The following COL4A2 variants were observed in gnomAD, a reference collection of about 807,000 sequenced individuals.
COL4A2 encodes collagen type IV alpha 2 chain, also known as collagen alpha-2(IV) chain.
In COL4A2, 99 loss-of-function variants were observed where a neutral mutation model predicts 200.2. The ratio of observed to expected loss-of-function variants is 0.49; its 90% CI spans 0.42 to 0.58. COL4A2 has a LOEUF of 0.58. Among genes scored for constraint, COL4A2 ranks in the 20% least tolerant of loss-of-function variants. COL4A2 has a pLI of 0.00. For missense variants in COL4A2, 1,950 were observed against 2,314.1 expected (o/e 0.84, Z 3.23); for synonymous variants, 897 against 900.6 (o/e 1.00, Z 0.07).
chr13:110,357,311 C>T (rs922050060), intron 3 of COL4A2, among the ~76,000 whole-genome samples, 161 bp from the exon 4 acceptor site: 10 of 152,130 alleles, frequency 6.6e-5, no homozygotes, highest in African/African-American at 2.4e-4. Flanking sequence ...GCACCAAAAA[C>T]TGCTCTAAAA....
At chr13:110,419,716 G>A (rs946885318) in intron 4 of COL4A2, among the ~76,000 whole-genome samples, 2 of 152,188 alleles carry the variant, frequency 1.3e-5, no homozygotes, top group Admixed American at 1.3e-4. Context: ...GATGGCCCAT[G>A]TGCGCACCAG....
chr13:110,483,969 C>T (rs939983808), intron 32 of COL4A2, among the ~76,000 whole-genome samples: 2 of 152,096 alleles, frequency 1.3e-5, no homozygotes, highest in African/African-American at 2.4e-5. Context: ...TTCAGACTTA[C>T]AGCTTTTACA....
At chr13:110,365,108 G>A (rs1423929223) in intron 4 of COL4A2, among the ~76,000 whole-genome samples, 1 of 151,952 alleles carries the variant, frequency 6.6e-6, no homozygotes, top group Non-Finnish European at 1.5e-5. Flanking sequence ...CCTGTGTTAG[G>A]GGCCAAGTTT....
chr13:110,473,253 C>T (rs1351370411), intron 29 of COL4A2, 103 bp downstream of exon 29: 10 of 1,091,766 alleles, frequency 9.2e-6, no homozygotes, highest in Non-Finnish European at 1.3e-5. Context: ...AGCAGCGGTG[C>T]CCTATAGTGC....
Position 110,307,714 on chromosome 13 carries a change from C to A in COL4A2, c.-44-146C>A. 1 of 737,810 alleles carries A rather than the reference C, an allele frequency of 1.4e-6. No individual in the cohort carries two copies. Among genetic ancestry groups the A allele is most frequent in the Non-Finnish European group, 2.2e-6 (1 of 464,300 alleles). The allele number at this position is 737,810 out of a possible 1,614,324, so 45.7% of individuals were successfully genotyped here. A position where few individuals can be genotyped will look rare whatever the true frequency, so the allele number is the denominator to read the frequency against. ...CCTAACGGGAGGCTCTCCTTCTTTC[C>A]GGGTCGTGGGGGGGACGGCCCTCCG... On this transcript the variant is annotated intron_variant, in intron 1 of 47. Coordinates refer to ENST00000360467, the MANE Select transcript of COL4A2 (RefSeq NM_001846.4). The surrounding 1 kb of genome is among the most constrained non-coding windows in gnomAD (Gnocchi z 5.0).
intron 3 of COL4A2, among the ~76,000 whole-genome samples, chr13:110,319,123 T>C (rs1566470828): frequency 6.6e-6 from 1 of 151,586 alleles, no homozygotes; most frequent in East Asian, 1.9e-4. Context: ...CGGGGGCCTG[T>C]GGGGGGAGGT....
At chr13:110,412,513 G>A (rs74907716) in intron 4 of COL4A2, among the ~76,000 whole-genome samples, 458 of 152,320 alleles carry the variant, frequency 3.0e-3, no homozygotes, top group African/African-American at 0.01. Context: ...AAACAAAAAC[G>A]TGTCTTTTTT....
At chr13:110,315,749 C>G (rs1205513468) in intron 3 of COL4A2, among the ~76,000 whole-genome samples, 2 of 152,176 alleles carry the variant, frequency 1.3e-5, no homozygotes, top group African/African-American at 4.8e-5. Flanking sequence ...ATTGCTGTTC[C>G]CACAGTCCAA....
chr13:110,312,486 A>G (rs1885011360), intron 3 of COL4A2, among the ~76,000 whole-genome samples: 1 of 152,262 alleles, frequency 6.6e-6, no homozygotes, highest in Admixed American at 6.5e-5. Context: ...AGTTTAAATA[A>G]TAGAGAAACT....
chr13:110,496,884 CTCAG>C (rs1883476957), intron 40 of COL4A2, among the ~76,000 whole-genome samples: 1 of 151,046 alleles, frequency 6.6e-6, no homozygotes, highest in African/African-American at 2.4e-5. Context: ...CCAGCACAGC[CTCAG>C]TCAGGGGTGA....
chr13:110,505,983 T>C (rs1883848352), intron 45 of COL4A2, among the ~76,000 whole-genome samples: 1 of 152,130 alleles, frequency 6.6e-6, no homozygotes, highest in Non-Finnish European at 1.5e-5. Flanking sequence ...GAGAACAAAG[T>C]GTGGATCAAA....
At chr13:110,415,295 A>T (rs1335550159) in intron 4 of COL4A2, among the ~76,000 whole-genome samples, 1 of 152,224 alleles carries the variant, frequency 6.6e-6, no homozygotes, top group Non-Finnish European at 1.5e-5. Flanking sequence ...AAAAGATAAA[A>T]TTTTTTTAAA....
rs1174874134 is a variant in COL4A2, at chr13:110,438,111, T to C, written c.861+74T>C. 36 of 1,297,516 alleles carry C rather than the reference T, an allele frequency of 2.8e-5. No homozygotes were observed. The Admixed American group carries it at 6.6e-4, about 24-fold the overall frequency. The allele number at this position is 1,297,516 out of a possible 1,614,324, so 80.4% of individuals were successfully genotyped here. On this transcript the variant is annotated intron_variant, in intron 14 of 47. Transcript: ENST00000360467. ...CGGCGCTCTGCCAGGCATGACGGGG[T>C]GCACCATGCGCTCGGGGCCCGCACA...
intron 3 of COL4A2, among the ~76,000 whole-genome samples, chr13:110,323,014 G>A (rs1220443698): frequency 6.6e-6 from 1 of 152,192 alleles, no homozygotes; most frequent in Non-Finnish European, 1.5e-5. Context: ...CATTTTGAAG[G>A]CTTTGGCATG....
At chr13:110,340,082 T>C (rs1446814046) in intron 3 of COL4A2, among the ~76,000 whole-genome samples, 2 of 152,228 alleles carry the variant, frequency 1.3e-5, no homozygotes, top group Non-Finnish European at 2.9e-5. Flanking sequence ...TGAGAACCTC[T>C]CACCCAATGG....
intron 4 of COL4A2, among the ~76,000 whole-genome samples, chr13:110,422,218 GT>G (rs1053528135): frequency 2.6e-5 from 4 of 152,190 alleles, no homozygotes; most frequent in African/African-American, 9.7e-5. Context: ...TCTTAAGAAG[GT>G]TATAGTCTAG....
chr13:110,498,072 G>T (rs183251817), intron 40 of COL4A2, among the ~76,000 whole-genome samples: 1 of 152,224 alleles, frequency 6.6e-6, no homozygotes, highest in East Asian at 1.9e-4. Flanking sequence ...GACCATGCCC[G>T]TGACCTTTAA....
At position 110,429,877 on chromosome 13, in the gene COL4A2, C is replaced by T. The variant is rs1334821250; in HGVS notation, c.478-8C>T. On this transcript the variant is annotated splice_polypyrimidine_tract_variant and splice_region_variant and intron_variant, in intron 7 of 47. Coordinates refer to ENST00000360467, the MANE Select transcript of COL4A2 (RefSeq NM_001846.4). Reference sequence around the variant, plus strand: ...GTTTTTTCTTTTTACAATATATCTGCTAATTAGGGGCCCCAAGGACCAAAA... The same window carrying T: ...GTTTTTTCTTTTTACAATATATCTGTTAATTAGGGGCCCCAAGGACCAAAA... 2 of 1,612,876 alleles carry T rather than the reference C, an allele frequency of 1.2e-6. No individual in the cohort carries two copies. The highest frequency in any genetic ancestry group is 2.7e-5 in the African/African-American group (2 of 74,792).
intron 4 of COL4A2, 58 bp downstream of exon 4, chr13:110,357,610 T>C: frequency 3.2e-6 from 5 of 1,548,070 alleles, no homozygotes; most frequent in Non-Finnish European, 4.4e-6. Flanking sequence ...ATGCCTCGCT[T>C]AACAACGGGG....
Sources: allele counts gnomAD v4.1 joint callset (sites outside exome capture counted in the v4.1 genomes callset), GRCh38; gene constraint gnomAD v4.1.1; non-coding constraint Gnocchi (gnomAD v3.1); transcripts MANE v1.5; gene names NCBI Gene and HGNC (gene_info 2026-07-23, HGNC 2026-07-21).